Variants in COPG1 observed in about 807,000 individuals in gnomAD.
COPG1 encodes the protein coat protein complex I subunit gamma 1, also known as coatomer subunit gamma-1.
COPG1 carries 29 observed loss-of-function variants against 102.8 expected under a neutral mutation model. The observed-to-expected ratio is 0.28, with a 90% CI of 0.21 to 0.38. COPG1 has a LOEUF of 0.38. COPG1 is among the 10% of genes least tolerant of loss of function. The pLI is 1.00. For synonymous variants in COPG1, 406 were observed against 421.6 expected (o/e 0.96, Z 0.45); for missense variants, 875 against 1,132.7 (o/e 0.77, Z 3.27).
intron 23 of COPG1, 22 bp from the exon 24 acceptor site, chr3:129,277,272 G>T: frequency 6.2e-7 from 1 of 1,613,058 alleles, no homozygotes; most frequent in Non-Finnish European, 8.5e-7. Flanking sequence ...GTATATATCT[G>T]TACTTCTCTC....
At chr3:129,263,792 T>G (rs1215829800) in intron 12 of COPG1, 112 bp from the exon 13 acceptor site, 1 of 856,110 alleles carries the variant, frequency 1.2e-6, no homozygotes, top group Admixed American at 1.9e-5. Flanking sequence ...TGCCCTTGTG[T>G]CATGCCCAAG....
chr3:129,271,563 G>T lies in COPG1; in HGVS notation c.1844-204G>T, dbSNP rs1228134198. 2.0e-5 allele frequency among the ~76,000 whole-genome samples: 3 copies of T among 152,070 alleles called. No individual in the cohort carries two copies. Among genetic ancestry groups the T allele is most frequent in the African/African-American group, 4.8e-5 (2 of 41,412 alleles). On this transcript the variant is annotated intron_variant, in intron 18 of 23. Transcript: ENST00000314797. This position sits in a 1 kb window ranked among gnomAD's most constrained non-coding sequence, Gnocchi z 4.7. The stretch of plus-strand genomic sequence containing the variant: ...AGAGATGGGGAGAGTATTTGTGGGG[G>T]GTTGTGCCACATGAGCGAAGTCAGG...
rs781042449 is a variant in COPG1 at position 129,252,948 on chromosome 3, A to G, written c.316A>G (p.Thr106Ala). The G allele has an allele frequency of 2.5e-6, 4 of 1,613,888 alleles. No homozygotes were observed. In the African/African-American group the frequency reaches 5.3e-5, roughly 22 times the overall value. The change falls in exon 5 of 24, where the codon ACC (threonine) becomes GCC (alanine). Residue 106 changes from threonine (T) to alanine (A), a missense_variant. Physicochemically the swap from Thr to Ala is moderately conservative, Grantham distance 58. Coordinates refer to ENST00000314797, the MANE Select transcript of COPG1 (RefSeq NM_016128.4). ...CATTGCAGAGGATGTCATCATTGTC[A>G]CCAGCAGGCAAGTCATGGGGTTGTG... ...SCIAEDVIIVTSSLTKDMTGK... is the reference protein window; with the variant it reads ...SCIAEDVIIVASSLTKDMTGK...
At chr3:129,259,460 CAAAAAAAA>C (rs781019383) in intron 10 of COPG1, among the ~76,000 whole-genome samples, 1 of 47,562 alleles carries the variant, frequency 2.1e-5, no homozygotes, top group African/African-American at 8.6e-5. Context: ...GACTCTATCT[CAAAAAAAA>C]AAAAAAAAAA....
intron 12 of COPG1, 43 bp from the exon 13 acceptor site, chr3:129,263,861 T>A: frequency 6.4e-7 from 1 of 1,566,026 alleles, no homozygotes; most frequent in Non-Finnish European, 8.8e-7. Context: ...TCACCCCATC[T>A]TGGTGGCAGG....
At chr3:129,268,381 C>G (rs563153318) in intron 16 of COPG1, 114 bp from the exon 17 acceptor site, 1 of 1,039,476 alleles carries the variant, frequency 9.6e-7, no homozygotes, top group South Asian at 1.6e-5. Flanking sequence ...AAGTGATTTT[C>G]TCAGGGTCAT....
rs986468690 is a variant in COPG1 at position 129,276,145 on chromosome 3, A to T, written c.2494+853A>T. Among the ~76,000 whole-genome samples the T allele has an allele frequency of 7.2e-5, 11 of 152,378 alleles. No homozygotes were observed. In the South Asian group the frequency reaches 1.7e-3, roughly 23 times the overall value. On this transcript the variant is annotated intron_variant, in intron 23 of 23. Transcript: ENST00000314797. ...GTATACCTTTCTTCCTACACTGTGGACAACATAATATGTTACCACACTTTA... is the reference window on the plus strand; with the variant it reads ...GTATACCTTTCTTCCTACACTGTGGTCAACATAATATGTTACCACACTTTA...
rs529595182 is a variant in COPG1, at chr3:129,267,764, A to C, written c.1545-173A>C. ...AGTTTAAAACATTTCATCACCCCAA[A>C]GGGAACTCAGTGTTCATGAGTGTGG... On this transcript the variant is annotated intron_variant, in intron 15 of 23. Coordinates refer to ENST00000314797, the MANE Select transcript of COPG1 (RefSeq NM_016128.4). Among the ~76,000 whole-genome samples the C allele has an allele frequency of 6.6e-5, 10 of 152,300 alleles. No individual in the cohort carries two copies. In the South Asian group the frequency reaches 2.1e-3, roughly 32 times the overall value.
At chr3:129,272,665 T>C in intron 20 of COPG1, 142 bp from the exon 21 acceptor site, 2 of 624,874 alleles carry the variant, frequency 3.2e-6, no homozygotes, top group Non-Finnish European at 2.9e-6. Context: ...CTTTGTGGGA[T>C]TGGATGGCTT....
At chr3:129,251,533 C>A (rs1939700596) in intron 2 of COPG1, among the ~76,000 whole-genome samples, 1 of 151,812 alleles carries the variant, frequency 6.6e-6, no homozygotes, top group Non-Finnish European at 1.5e-5. Flanking sequence ...CAGGCGCACG[C>A]CACTATGCCT....
chr3:129,260,893 C>G, intron 12 of COPG1, 86 bp downstream of exon 12: 1 of 1,416,868 alleles, frequency 7.1e-7, no homozygotes, highest in Non-Finnish European at 9.8e-7. Context: ...CCTGCCAGGA[C>G]TGACCTGAGG....
At chr3:129,254,816 G>C in intron 6 of COPG1, 73 bp downstream of exon 6, 1 of 1,425,794 alleles carries the variant, frequency 7.0e-7, no homozygotes, top group Non-Finnish European at 9.8e-7. Flanking sequence ...TGCATTCTTT[G>C]GGGTGTCCCC....
chr3:129,272,471 G>A, intron 20 of COPG1, 56 bp downstream of exon 20: 1 of 1,476,452 alleles, frequency 6.8e-7, no homozygotes, highest in Non-Finnish European at 9.2e-7. Flanking sequence ...GGGTCAGGAG[G>A]AGGTGGGCGG....
chr3:129,254,251 A>T (rs1457375556), intron 5 of COPG1: 1 of 156,762 alleles, frequency 6.4e-6, no homozygotes, highest in Non-Finnish European at 1.4e-5. Context: ...CCAAGATCGC[A>T]CCCCATTGCG....
In COPG1 at chr3:129,257,543, TCA is replaced by T; in HGVS notation, c.657_658del (p.Arg220AlafsTer4). 1 of 1,614,162 alleles carries T rather than the reference TCA, an allele frequency of 6.2e-7. No homozygotes were observed. Among genetic ancestry groups the T allele is most frequent in the Non-Finnish European group, 8.5e-7 (1 of 1,180,022 alleles). On this transcript the variant is annotated frameshift_variant, in exon 9 of 24. Transcript: ENST00000314797. LOFTEE classifies it high-confidence loss of function. Reference sequence around the variant, plus strand: ...GCCGTCAATAAGATGATCAGCAAGGTCACACGGCATGGCCTTAAGTCTCCCTT... The same window carrying T: ...GCCGTCAATAAGATGATCAGCAAGGTCACGGCATGGCCTTAAGTCTCCCTT...
rs973000162 is a variant in COPG1, at chr3:129,275,285, C to G, written c.2487C>G (p.Leu829=). 1 of 1,614,018 alleles carries G rather than the reference C, an allele frequency of 6.2e-7. No individual in the cohort carries two copies. Among genetic ancestry groups the G allele is most frequent in the Non-Finnish European group, 8.5e-7 (1 of 1,179,914 alleles). ...ATAACAAGAACACCCACACGTTGCT[C>G]CTGGCTGGTAAGTGGCATTTCTAGA... ...VPDNKNTHTL[L]LAGVFRGGHD... The change falls in exon 23 of 24, where the codon CTC becomes CTG. Residue 829 remains leucine (L), a synonymous_variant. Coordinates refer to ENST00000314797, the MANE Select transcript of COPG1 (RefSeq NM_016128.4). This position sits in a 1 kb window ranked among gnomAD's most constrained non-coding sequence, Gnocchi z 5.0.
intron 8 of COPG1, among the ~76,000 whole-genome samples, 184 bp from the exon 9 acceptor site, chr3:129,257,286 T>G (rs2107674190): frequency 6.6e-6 from 1 of 152,338 alleles, no homozygotes; most frequent in South Asian, 2.1e-4. Flanking sequence ...CTGTGGTTTG[T>G]GAAGCATTGT....
At chr3:129,272,467 G>A in intron 20 of COPG1, 52 bp downstream of exon 20, 1 of 1,497,012 alleles carries the variant, frequency 6.7e-7, no homozygotes, top group Non-Finnish European at 9.1e-7. Flanking sequence ...CATGGGGTCA[G>A]GAGGAGGTGG....
At chr3:129,256,026 G>A (rs750357375) in intron 7 of COPG1, 42 bp from the exon 8 acceptor site, 8 of 1,568,108 alleles carry the variant, frequency 5.1e-6, no homozygotes, top group Non-Finnish European at 7.0e-6. Context: ...GTGTGATGGG[G>A]ACACTTCCTA....
Sources: gnomAD v4.1 joint callset for allele counts (sites outside exome capture counted in the v4.1 genomes callset) on GRCh38, gnomAD v4.1.1 for gene constraint, Gnocchi (gnomAD v3.1) non-coding constraint, MANE v1.5 for transcripts, NCBI Gene and HGNC (gene_info 2026-07-23, HGNC 2026-07-21) for gene names.